The following ENPP3 variants were observed in gnomAD, a reference collection of about 807,000 sequenced individuals.
ENPP3 encodes ectonucleotide pyrophosphatase/phosphodiesterase 3.
Under a neutral mutation model 117.8 loss-of-function variants are expected in ENPP3, and 104 were observed. The ratio of observed to expected loss-of-function variants is 0.88; its 90% confidence interval spans 0.75 to 1.04. The LOEUF is 1.04. Ranked by LOEUF, ENPP3 falls within the 50% of genes least tolerant of loss-of-function variation. The probability of loss-of-function intolerance (pLI) is 0.00; values close to 1 mark genes in which losing one functional copy is unlikely to be tolerated. For synonymous variants in ENPP3, 380 were observed against 349.9 expected (o/e 1.09, Z -0.96); for missense variants, 1,026 against 1,051.9 (o/e 0.98, Z 0.34).
At chr6:131,679,026 C>CTTCT (rs1188919565) in intron 11 of ENPP3, among the ~76,000 whole-genome samples, 649 of 47,764 alleles carry the variant, frequency 0.014, 28 homozygotes, top group Middle Eastern at 0.028. Flanking sequence ...TCCTTCCTTC[C>CTTCT]TTCTTTCTTT....
chr6:131,678,804 A>G (rs1204282529), intron 11 of ENPP3, among the ~76,000 whole-genome samples: 4 of 152,182 alleles, frequency 2.6e-5, no homozygotes, highest in Non-Finnish European at 1.5e-5. Context: ...ATTCCTGCAC[A>G]GCGCTAGACT....
At chr6:131,726,017 C>A (rs765000384) in intron 19 of ENPP3, 29 bp from the exon 20 acceptor site, 33 of 1,553,610 alleles carry the variant, frequency 2.1e-5, no homozygotes, top group Admixed American at 3.4e-5. Flanking sequence ...TTTCATGAAC[C>A]TTTTTATTTT....
intron 11 of ENPP3, among the ~76,000 whole-genome samples, chr6:131,678,285 G>A (rs117222581): frequency 0.02 from 3,102 of 152,252 alleles, 48 homozygotes; most frequent in South Asian, 0.033. Context: ...TGCATTTCAG[G>A]CTAAGTCACC....
intron 11 of ENPP3, among the ~76,000 whole-genome samples, chr6:131,681,846 G>A (rs1779029278): frequency 6.6e-6 from 1 of 151,952 alleles, no homozygotes; most frequent in Admixed American, 6.6e-5. Context: ...ATTGTTTTTT[G>A]TGGGGGATGG....
intron 2 of ENPP3, among the ~76,000 whole-genome samples, chr6:131,643,945 G>C (rs867899036): frequency 2.2e-5 from 3 of 134,556 alleles, no homozygotes; most frequent in Non-Finnish European, 3.2e-5. Flanking sequence ...GTGTGTGTCT[G>C]TGTGTGTGTG....
At chr6:131,697,464 C>T (rs570062135) in intron 15 of ENPP3, among the ~76,000 whole-genome samples, 13 of 151,778 alleles carry the variant, frequency 8.6e-5, no homozygotes, top group African/African-American at 1.9e-4. Context: ...ATGATTCAAG[C>T]GCATGACGTT....
intron 2 of ENPP3, among the ~76,000 whole-genome samples, chr6:131,647,358 C>T (rs1778173405): frequency 6.6e-6 from 1 of 152,148 alleles, no homozygotes; most frequent in Non-Finnish European, 1.5e-5. Context: ...AATAAATCCT[C>T]CCTTTAATGT....
intron 2 of ENPP3, among the ~76,000 whole-genome samples, chr6:131,643,827 A>G (rs978459550): frequency 1.3e-5 from 2 of 152,190 alleles, no homozygotes; most frequent in African/African-American, 4.8e-5. Context: ...TTTAGCATGC[A>G]AGACAGACAA....
intron 14 of ENPP3, among the ~76,000 whole-genome samples, chr6:131,687,451 T>C (rs2114432749): frequency 6.6e-6 from 1 of 152,298 alleles, no homozygotes; most frequent in East Asian, 1.9e-4. Context: ...ACATGGGTCT[T>C]GGCAAATAAT....
In ENPP3 at chr6:131,642,331, G is replaced by A. The variant is rs975952522; in HGVS notation, c.154+801G>A. Among the ~76,000 whole-genome samples, 6 of 151,964 alleles carry A rather than the reference G, an allele frequency of 3.9e-5. No homozygotes were observed. The South Asian group carries it at 8.3e-4, about 21-fold the overall frequency. The stretch of plus-strand genomic sequence containing the variant: ...CAGTGCCAAATTCTTGAAAAGTAGT[G>A]CATAATAATATCTTCAAAAATTTTT... On this transcript the variant is annotated intron_variant, in intron 2 of 24. Transcript: ENST00000357639.
intron 15 of ENPP3, among the ~76,000 whole-genome samples, chr6:131,716,324 GT>G (rs1201818124): frequency 6.6e-6 from 1 of 152,052 alleles, no homozygotes; most frequent in African/African-American, 2.4e-5. Context: ...AATTTCCAAA[GT>G]TTTTACTTGG....
chr6:131,725,054 CAAAA>C lies in ENPP3; in HGVS notation c.1799-976_1799-973del, dbSNP rs34304450. 7.9e-3 allele frequency among the ~76,000 whole-genome samples: 695 copies of C among 87,424 alleles called. 8 individuals carry two copies. The highest frequency in any genetic ancestry group is 0.02 in the African/African-American group (633 of 31,054). The allele number at this position is 87,424 out of a possible 152,430, so 57.4% of individuals were successfully genotyped here. A position where few individuals can be genotyped will look rare whatever the true frequency, so the allele number is the denominator to read the frequency against. ...TGAAACCCCGTCTCTACTAAAAATA[CAAAA>C]AAAAAAAAAAAAAAATTAGTTGGGC... On this transcript the variant is annotated intron_variant, in intron 19 of 24. Coordinates refer to ENST00000357639, the MANE Select transcript of ENPP3 (RefSeq NM_005021.5).
intron 17 of ENPP3, 115 bp from the exon 18 acceptor site, chr6:131,722,112 A>G (rs1235863363): frequency 1.4e-6 from 1 of 707,078 alleles, no homozygotes; most frequent in Admixed American, 2.8e-5. Context: ...GCTTCGTTAC[A>G]GCAGAATTTA....
At chr6:131,720,178 A>G in intron 16 of ENPP3, 114 bp from the exon 17 acceptor site, 1 of 588,236 alleles carries the variant, frequency 1.7e-6, no homozygotes, top group Non-Finnish European at 3.0e-6. Context: ...AATTCCTTAC[A>G]GAGGCCTAAT....
chr6:131,713,680 AC>A (rs1172177860), intron 15 of ENPP3, among the ~76,000 whole-genome samples: 3 of 152,124 alleles, frequency 2.0e-5, no homozygotes, highest in Non-Finnish European at 4.4e-5. Flanking sequence ...GTATGTTACT[AC>A]ATTCTACTAT....
chr6:131,688,912 A>T (rs1427088287), intron 14 of ENPP3, among the ~76,000 whole-genome samples: 4 of 151,672 alleles, frequency 2.6e-5, no homozygotes, highest in African/African-American at 9.7e-5. Context: ...AAAAAAAAAA[A>T]AAAAATAGCC....
chr6:131,662,957 G>A (rs1311471114), intron 6 of ENPP3, among the ~76,000 whole-genome samples: 4 of 152,212 alleles, frequency 2.6e-5, no homozygotes, highest in East Asian at 3.9e-4. Flanking sequence ...GTTTAGAAAT[G>A]AGATTGAATA....
intron 14 of ENPP3, among the ~76,000 whole-genome samples, chr6:131,691,724 G>A (rs1779284990): frequency 6.6e-6 from 1 of 152,120 alleles, no homozygotes; most frequent in Non-Finnish European, 1.5e-5. Flanking sequence ...GTTTTCTCTG[G>A]ATTTACTCTG....
At chr6:131,668,024 G>A (rs539236976) in intron 6 of ENPP3, among the ~76,000 whole-genome samples, 1 of 152,066 alleles carries the variant, frequency 6.6e-6, no homozygotes, top group South Asian at 2.1e-4. Flanking sequence ...CTTTCTACAA[G>A]GTTATTCTAC....
Sources: allele counts gnomAD v4.1 joint callset (sites outside exome capture counted in the v4.1 genomes callset), GRCh38; gene constraint gnomAD v4.1.1; transcripts MANE v1.5; gene names NCBI Gene and HGNC (gene_info 2026-07-23, HGNC 2026-07-21).